GIP: variants seen among roughly 807,000 people sequenced by gnomAD.
GIP encodes the protein glucose-dependent insulinotropic polypeptide.
GIP carries 16 observed loss-of-function variants against 18.1 expected under a neutral mutation model. That is an observed-to-expected ratio of 0.88 (90% CI 0.60 to 1.34). The LOEUF (loss-of-function observed/expected upper bound fraction) is 1.34. Among genes scored for constraint, GIP ranks in the 40% most tolerant of loss-of-function variants. The pLI, the probability that GIP is intolerant of heterozygous loss-of-function variation, is 0.00. For missense variants in GIP, 192 were observed against 183.4 expected, an observed-to-expected ratio of 1.05 and a Z score of -0.27; for synonymous variants, 76 against 74.0, an observed-to-expected ratio of 1.03 and a Z score of -0.14.
At chr17:48,963,936 C>A (rs368173294) in intron 3 of GIP, among the ~76,000 whole-genome samples, 1 of 145,004 alleles carries the variant, frequency 6.9e-6, no homozygotes, top group Non-Finnish European at 1.5e-5. Flanking sequence ...AGGTGGATCA[C>A]GAGGTCAGAT....
chr17:48,958,577 T>C lies in GIP; in HGVS notation c.*130A>G, dbSNP rs2041181151. On this transcript the variant is annotated 3_prime_UTR_variant, in exon 6 of 6. Transcript: ENST00000357424. ...TGTTAGTGCTCAGTAGTCATTTTAATAAATTTTCACAATGGGCTCGACTTA... is the reference window on the plus strand; with the variant it reads ...TGTTAGTGCTCAGTAGTCATTTTAACAAATTTTCACAATGGGCTCGACTTA... 4.0e-6 allele frequency: 3 copies of C among 755,258 alleles called. No homozygotes were observed. Among genetic ancestry groups the C allele is most frequent in the Non-Finnish European group, 6.9e-6 (3 of 435,228 alleles). 46.8% of individuals were successfully genotyped at this position (755,258 alleles called of 1,614,324 possible). A position where few individuals can be genotyped will look rare whatever the true frequency, so the allele number is the denominator to read the frequency against.
At chr17:48,964,233 A>G (rs1598104396) in intron 3 of GIP, 77 bp downstream of exon 3, 1 of 1,117,050 alleles carries the variant, frequency 9.0e-7, no homozygotes, top group Non-Finnish European at 1.3e-6. Flanking sequence ...CTGTGTGGCC[A>G]CAGCCGGTGG....
intron 3 of GIP, among the ~76,000 whole-genome samples, chr17:48,962,964 G>C (rs888883491): frequency 6.6e-6 from 1 of 151,836 alleles, no homozygotes; most frequent in Non-Finnish European, 1.5e-5. Flanking sequence ...AAAATTATCC[G>C]TGCATGGTGG....
At position 48,967,188 on chromosome 17, in the gene GIP, G is replaced by C. The variant is rs1466121375; in HGVS notation, c.45C>G (p.Phe15Leu). 1 of 1,613,870 alleles carries C rather than the reference G, an allele frequency of 6.2e-7. No individual in the cohort carries two copies. Among genetic ancestry groups the C allele is most frequent in the South Asian group, 1.1e-5 (1 of 91,066 alleles). ...TCTTCTCTCCTAGTCCCACTGCCAG[G>C]AACAGGGACAGCAGCAGCAGAGCAA... ...KTFALLLLSL[F>L]LAVGLGEKKE... Residue 15 changes from phenylalanine (F) to leucine (L), a missense_variant, in exon 2 of 6, where the codon TTC becomes TTG. Transcript: ENST00000357424.
intron 2 of GIP, among the ~76,000 whole-genome samples, chr17:48,966,208 G>C (rs1488055253): frequency 1.4e-5 from 2 of 146,392 alleles, no homozygotes; most frequent in Non-Finnish European, 3.0e-5. Context: ...AGTGAGCCAA[G>C]ATCGCGCCAG....
At chr17:48,967,925 G>A (rs1005090285) in intron 1 of GIP, among the ~76,000 whole-genome samples, 4 of 151,736 alleles carry the variant, frequency 2.6e-5, no homozygotes, top group Admixed American at 2.0e-4. Context: ...GGTGGTGCGC[G>A]CCTGTGATCC....
chr17:48,963,438 C>T (rs2041211969), intron 3 of GIP, among the ~76,000 whole-genome samples: 1 of 151,008 alleles, frequency 6.6e-6, no homozygotes, highest in African/African-American at 2.4e-5. Context: ...GGGCGGATCA[C>T]GAGGTCAGGA....
chr17:48,962,450 C>T (rs2041205569), intron 3 of GIP, among the ~76,000 whole-genome samples: 1 of 152,008 alleles, frequency 6.6e-6, no homozygotes, highest in Admixed American at 6.6e-5. Context: ...CTCACTGCAA[C>T]GTCCGCCTCC....
At chr17:48,966,605 T>C (rs2041237374) in intron 2 of GIP, among the ~76,000 whole-genome samples, 1 of 149,802 alleles carries the variant, frequency 6.7e-6, no homozygotes, top group Non-Finnish European at 1.5e-5. Context: ...AAAGAATGCA[T>C]TCATAAGCCT....
At chr17:48,962,175 T>C (rs1351391827) in intron 3 of GIP, among the ~76,000 whole-genome samples, 1 of 152,142 alleles carries the variant, frequency 6.6e-6, no homozygotes, top group Non-Finnish European at 1.5e-5. Flanking sequence ...GCTGAAGCCA[T>C]CTTCCCATCT....
At chr17:48,959,996 G>T (rs867918235) in intron 5 of GIP, among the ~76,000 whole-genome samples, 1 of 2,842 alleles carries the variant, frequency 3.5e-4, no homozygotes, top group Non-Finnish European at 1.4e-3. Context: ...CAGCTCGGTG[G>T]GTAGGGACAG....
At chr17:48,965,711 T>C (rs969842992) in intron 2 of GIP, among the ~76,000 whole-genome samples, 1 of 151,930 alleles carries the variant, frequency 6.6e-6, no homozygotes, top group Non-Finnish European at 1.5e-5. Flanking sequence ...ATTCAATTCC[T>C]TGGTTCACAT....
At chr17:48,963,101 A>AGCC (rs2041210450) in intron 3 of GIP, among the ~76,000 whole-genome samples, 1 of 151,808 alleles carries the variant, frequency 6.6e-6, no homozygotes, top group African/African-American at 2.4e-5. Context: ...AGCAAAAAAA[A>AGCC]TCCGTCTCAA....
At chr17:48,967,118 C>G in intron 2 of GIP, 29 bp downstream of exon 2, 1 of 1,504,122 alleles carries the variant, frequency 6.6e-7, no homozygotes, top group Non-Finnish European at 9.3e-7. Context: ...CCCTCCTCTG[C>G]CCCATCCCTT....
At position 48,965,049 on chromosome 17, in the gene GIP, G is replaced by A. The variant is rs567968525; in HGVS notation, c.87-569C>T. ...GGCTACTCGGGAGGCTGAGGCAGGAGAATGGCGTGAACCCGGGAGGCGGAG... is the reference window on the plus strand; with the variant it reads ...GGCTACTCGGGAGGCTGAGGCAGGAAAATGGCGTGAACCCGGGAGGCGGAG... On this transcript the variant is annotated intron_variant, in intron 2 of 5. Transcript: ENST00000357424. Among the ~76,000 whole-genome samples the A allele has an allele frequency of 3.5e-4, 53 of 151,128 alleles. 2 individuals carry two copies. The East Asian group carries it at 9.7e-3, about 28-fold the overall frequency.
intron 2 of GIP, 89 bp downstream of exon 2, chr17:48,967,058 C>T: frequency 2.1e-6 from 2 of 975,538 alleles, no homozygotes; most frequent in Non-Finnish European, 3.3e-6. Context: ...GGATTCCTTC[C>T]CTTTCTCATC....
At chr17:48,964,159 C>CAA (rs11380752) in intron 3 of GIP, 151 bp downstream of exon 3, 7,796 of 355,286 alleles carry the variant, frequency 0.022, 5 homozygotes, top group Middle Eastern at 0.03. Context: ...GACTCCATCT[C>CAA]AAAAAAAAAA....
chr17:48,959,730 G>A (rs190196997), intron 5 of GIP, among the ~76,000 whole-genome samples: 3 of 152,264 alleles, frequency 2.0e-5, no homozygotes, highest in East Asian at 3.9e-4. Context: ...AGGGAAAGCT[G>A]AGAACAGGAT....
intron 5 of GIP, among the ~76,000 whole-genome samples, chr17:48,959,011 C>T (rs1473060896): frequency 5.9e-5 from 9 of 151,942 alleles, no homozygotes; most frequent in Non-Finnish European, 7.4e-5. Flanking sequence ...CCCGCCTCCA[C>T]GCCCAGCTAA....
Sources: allele counts gnomAD v4.1 joint callset (sites outside exome capture counted in the v4.1 genomes callset), GRCh38; gene constraint gnomAD v4.1.1; transcripts MANE v1.5; gene names NCBI Gene and HGNC (gene_info 2026-07-23, HGNC 2026-07-21).